The following PABIR3 variants were observed in gnomAD, a reference collection of about 807,000 sequenced individuals.
The protein encoded by PABIR3 is PABIR family member 3, also known as PABIR family member 1.
A neutral mutation model predicts 23.1 loss-of-function variants in PABIR3; 20 were observed. That is an observed-to-expected ratio of 0.86 (90% CI 0.61 to 1.26). The LOEUF (loss-of-function observed/expected upper bound fraction) is 1.26. Among genes scored for constraint, PABIR3 ranks in the 50% most tolerant of loss-of-function variants. PABIR3 has a pLI of 0.00. For synonymous variants in PABIR3, 69 were observed against 68.5 expected (o/e 1.01, Z -0.04); for missense variants, 189 against 195.4 (o/e 0.97, Z 0.20).
upstream of PABIR3, among the ~76,000 whole-genome samples, chrX:134,803,193 G>T (rs2080109766): frequency 8.9e-6 from 1 of 112,255 alleles, no homozygotes; most frequent in South Asian, 3.7e-4. Flanking sequence ...GGAGCTGTCT[G>T]CAAAGAGGCA....
At chrX:134,864,574 T>C in the PABIR3 span, among the ~76,000 whole-genome samples, 1 of 111,936 alleles carries the variant, frequency 8.9e-6, no homozygotes, top group Admixed American at 9.6e-5. Flanking sequence ...ATGTACTCTT[T>C]TGTGTCTGGT....
chrX:134,817,898 C>T (rs888120738), intron 3 of PABIR3, among the ~76,000 whole-genome samples: 4 of 111,163 alleles, frequency 3.6e-5, no homozygotes, highest in Admixed American at 9.6e-5. Context: ...AGAGGGCAAA[C>T]GTATATGCAA....
At chrX:134,847,345 T>C (rs1603245298) in intron 6 of PABIR3, 38 bp from the exon 7 acceptor site, 3 of 1,040,237 alleles carry the variant, frequency 2.9e-6, no homozygotes, top group Non-Finnish European at 4.0e-6. Flanking sequence ...TAATAAGCAA[T>C]TGGTGCTACA....
chrX:134,807,400 A>G, intron 1 of PABIR3, 59 bp downstream of exon 1: 1 of 1,002,423 alleles, frequency 1.0e-6, no homozygotes. Flanking sequence ...GTTCGGAGCC[A>G]GTTCTGCCTA....
At chrX:134,813,986 TA>T (rs1304372268) in intron 2 of PABIR3, among the ~76,000 whole-genome samples, 1 of 109,249 alleles carries the variant, frequency 9.2e-6, no homozygotes, top group Non-Finnish European at 1.9e-5. Flanking sequence ...TTTTTTTTTT[TA>T]ATGTGAAATC....
chrX:134,852,342 G>A (rs2082664814), intron 9 of PABIR3, among the ~76,000 whole-genome samples: 1 of 110,941 alleles, frequency 9.0e-6, no homozygotes, highest in South Asian at 3.8e-4. Context: ...GGGCATGGTG[G>A]TTTGCACCTG....
At chrX:134,842,887 A>G (rs1302231518) in intron 4 of PABIR3, among the ~76,000 whole-genome samples, 31 of 105,895 alleles carry the variant, frequency 2.9e-4, no homozygotes, top group Non-Finnish European at 5.4e-4. Flanking sequence ...AACAGGAGCA[A>G]AACTCCGTCT....
the PABIR3 span, among the ~76,000 whole-genome samples, chrX:134,863,273 A>G: frequency 8.9e-6 from 1 of 112,143 alleles, no homozygotes; most frequent in Non-Finnish European, 1.9e-5. Flanking sequence ...AAAAATAATA[A>G]TGAAAAAATT....
chrX:134,824,169 C>T (rs1166517539), intron 3 of PABIR3, among the ~76,000 whole-genome samples: 1 of 111,867 alleles, frequency 8.9e-6, no homozygotes, highest in African/African-American at 3.2e-5. Flanking sequence ...AAAGAGCCTT[C>T]GTTACGTGTA....
downstream of PABIR3, among the ~76,000 whole-genome samples, chrX:134,855,473 A>G (rs753997715): frequency 8.9e-6 from 1 of 111,803 alleles, no homozygotes; most frequent in Non-Finnish European, 1.9e-5. Flanking sequence ...GCTTTAAGTA[A>G]TTGGGGGTAG....
intron 3 of PABIR3, among the ~76,000 whole-genome samples, chrX:134,828,047 C>CTCTCTCTATATATA (rs1466733144): frequency 4.0e-5 from 2 of 49,409 alleles, no homozygotes; most frequent in African/African-American, 8.2e-5. Context: ...CTCTCTCTCT[C>CTCTCTCTATATATA]TATATATATA....
chrX:134,831,680 G>C lies in PABIR3; in HGVS notation c.246+2398G>C, dbSNP rs776285642. 15 of 111,679 alleles carry C rather than the reference G, an allele frequency of 1.3e-4. No individual in the cohort carries two copies. In the East Asian group the frequency reaches 3.9e-3, roughly 29 times the overall value. 9.2% of individuals were successfully genotyped at this position (111,679 alleles called of 1,213,427 possible). A position where few individuals can be genotyped will look rare whatever the true frequency, so the allele number is the denominator to read the frequency against. ...ATACTTTGATATAGGTATGCAACAT[G>C]TAATAATCACATCAGGGTAAATGGA... On this transcript the variant is annotated intron_variant, in intron 4 of 10. Transcript: ENST00000645433.
chrX:134,856,571 A>T (rs772060817), downstream of PABIR3, among the ~76,000 whole-genome samples: 1 of 111,760 alleles, frequency 8.9e-6, no homozygotes, highest in Admixed American at 9.6e-5. Flanking sequence ...AGACTCAGGG[A>T]TTCCATAGTT....
At chrX:134,809,781 A>G (rs2080528081) in intron 2 of PABIR3, 1 of 748,327 alleles carries the variant, frequency 1.3e-6, no homozygotes, top group African/African-American at 2.3e-5. Flanking sequence ...TGACTCCTAA[A>G]CTACTGTTCT....
At chrX:134,848,196 G>C (rs1197739089) in intron 8 of PABIR3, among the ~76,000 whole-genome samples, 1 of 110,548 alleles carries the variant, frequency 9.0e-6, no homozygotes, top group African/African-American at 3.3e-5. Flanking sequence ...TTCAAGACCA[G>C]CCTGAGCAAC....
intron 2 of PABIR3, among the ~76,000 whole-genome samples, chrX:134,808,472 C>G (rs1226064605): frequency 4.5e-5 from 5 of 111,983 alleles, no homozygotes; most frequent in Non-Finnish European, 7.5e-5. Context: ...GCTCCACCTC[C>G]CGGGTTCACG....
intron 2 of PABIR3, chrX:134,810,453 G>A (rs185482257): frequency 1.0e-3 from 773 of 752,590 alleles, no homozygotes; most frequent in Non-Finnish European, 1.2e-3. Context: ...CAAAGTGGAC[G>A]GAGTCCAGGG....
At chrX:134,839,253 G>A (rs1250741636) in intron 4 of PABIR3, 13 of 113,264 alleles carry the variant, frequency 1.1e-4, no homozygotes, top group African/African-American at 3.5e-4. Context: ...AGTGAGGAGC[G>A]CCTCTTCCCG....
chrX:134,861,390 A>T, the PABIR3 span, among the ~76,000 whole-genome samples: 2 of 111,513 alleles, frequency 1.8e-5, no homozygotes, highest in African/African-American at 6.5e-5. Context: ...AAAAACCAAC[A>T]ACTAATGTGT....
Sources: gnomAD v4.1 joint callset for allele counts (sites outside exome capture counted in the v4.1 genomes callset) on GRCh38, gnomAD v4.1.1 for gene constraint, MANE v1.5 for transcripts, NCBI Gene and HGNC (gene_info 2026-07-23, HGNC 2026-07-21) for gene names.